Variants in PSME4 observed in about 807,000 individuals in gnomAD.
The protein encoded by PSME4 is proteasome activator subunit 4.
PSME4 carries 89 observed loss-of-function variants against 253.9 expected under a neutral mutation model. The ratio of observed to expected loss-of-function variants is 0.35; its 90% CI spans 0.30 to 0.42. The LOEUF (loss-of-function observed/expected upper bound fraction) is 0.42, where lower values mean the gene tolerates loss of function less well. Among genes scored for constraint, PSME4 ranks in the 10% least tolerant of loss-of-function variants. The pLI is 1.00. For missense variants in PSME4, 2,014 were observed against 2,195.2 expected (o/e 0.92, Z 1.65); for synonymous variants, 851 against 759.2 (o/e 1.12, Z -1.99).
chr2:53,919,567 A>G (rs181265188), intron 19 of PSME4, among the ~76,000 whole-genome samples: 236 of 152,308 alleles, frequency 1.5e-3, no homozygotes, highest in African/African-American at 4.8e-3. Flanking sequence ...AATGCTACAG[A>G]AGATCTTCCA....
chr2:53,866,976 AAT>A, intron 44 of PSME4, 96 bp from the exon 45 acceptor site: 1 of 1,193,118 alleles, frequency 8.4e-7, no homozygotes, highest in East Asian at 2.5e-5. Context: ...TGTTGTTTTC[AAT>A]ATGTGAATTT....
chr2:53,942,909 T>C (rs972498257), intron 3 of PSME4, among the ~76,000 whole-genome samples: 12 of 152,192 alleles, frequency 7.9e-5, no homozygotes, highest in African/African-American at 1.7e-4. Context: ...TTTCAACCAA[T>C]GATTCTGTGT....
At chr2:53,890,270 T>C (rs1183154190) in intron 36 of PSME4, 62 bp from the exon 37 acceptor site, 1 of 1,148,100 alleles carries the variant, frequency 8.7e-7, no homozygotes, top group African/African-American at 1.5e-5. Context: ...TCTTCAAATA[T>C]CTTTCTTTAC....
chr2:53,949,425 T>C, intron 1 of PSME4, 142 bp from the exon 2 acceptor site: 1 of 459,830 alleles, frequency 2.2e-6, no homozygotes. Context: ...AAATGTGGCA[T>C]ATACAACACA....
intron 20 of PSME4, among the ~76,000 whole-genome samples, chr2:53,917,482 A>G (rs994435778): frequency 1.3e-5 from 2 of 152,220 alleles, no homozygotes; most frequent in East Asian, 3.8e-4. Context: ...ATTACAGTGT[A>G]CATGGCATCA....
chr2:53,882,353 A>G (rs1334802583), intron 41 of PSME4, among the ~76,000 whole-genome samples: 1 of 152,214 alleles, frequency 6.6e-6, no homozygotes, highest in Non-Finnish European at 1.5e-5. Context: ...TTTAGGATGC[A>G]ATATCTTTTA....
chr2:53,967,232 T>C (rs1670778033), intron 1 of PSME4, among the ~76,000 whole-genome samples: 1 of 152,192 alleles, frequency 6.6e-6, no homozygotes, highest in Admixed American at 6.5e-5. Context: ...GTACTTTAAA[T>C]TGTCTGTACA....
At chr2:53,876,926 T>C (rs1056129981) in intron 41 of PSME4, among the ~76,000 whole-genome samples, 33 of 151,650 alleles carry the variant, frequency 2.2e-4, no homozygotes, top group Non-Finnish European at 4.0e-4. Context: ...TCTCACTGTG[T>C]TGCCCAGATT....
intron 20 of PSME4, among the ~76,000 whole-genome samples, chr2:53,913,063 C>G (rs1056953282): frequency 6.6e-5 from 10 of 152,166 alleles, no homozygotes; most frequent in African/African-American, 2.4e-4. Flanking sequence ...TACTCATTCA[C>G]TAGTTCATTT....
intron 1 of PSME4, 125 bp downstream of exon 1, chr2:53,970,418 G>C: frequency 6.8e-7 from 1 of 1,469,150 alleles, no homozygotes; most frequent in Non-Finnish European, 9.0e-7. Context: ...TGGGATCACC[G>C]CTCGGGGACA....
At chr2:53,931,017 C>T (rs757515747) in intron 10 of PSME4, among the ~76,000 whole-genome samples, 1 of 152,228 alleles carries the variant, frequency 6.6e-6, no homozygotes, top group Non-Finnish European at 1.5e-5. Context: ...GTGGCTCACA[C>T]CTGCAATCCC....
intron 41 of PSME4, among the ~76,000 whole-genome samples, chr2:53,882,354 A>G (rs112109430): frequency 1.3e-5 from 2 of 152,190 alleles, no homozygotes; most frequent in African/African-American, 4.8e-5. Context: ...TTAGGATGCA[A>G]TATCTTTTAA....
chr2:53,930,641 G>C (rs979682567), intron 10 of PSME4, among the ~76,000 whole-genome samples: 2 of 152,222 alleles, frequency 1.3e-5, no homozygotes, highest in Admixed American at 6.5e-5. Flanking sequence ...GGGCAGGTAA[G>C]GCAGCATCAA....
At chr2:53,881,089 T>TA (rs1417481571) in intron 41 of PSME4, among the ~76,000 whole-genome samples, 7 of 152,194 alleles carry the variant, frequency 4.6e-5, no homozygotes, top group Non-Finnish European at 1.0e-4. Flanking sequence ...AGTAAAATTC[T>TA]AAAATCCAAT....
chr2:53,880,552 G>A (rs1223564650), intron 41 of PSME4, among the ~76,000 whole-genome samples: 2 of 152,084 alleles, frequency 1.3e-5, no homozygotes, highest in Non-Finnish European at 2.9e-5. Context: ...CAGAAAACTG[G>A]TTAAATTTTT....
chr2:53,968,332 A>T (rs896846026), intron 1 of PSME4, among the ~76,000 whole-genome samples: 1 of 152,074 alleles, frequency 6.6e-6, no homozygotes, highest in African/African-American at 2.4e-5. Flanking sequence ...GCACAAGCAT[A>T]CTGAAACACA....
chr2:53,893,278 G>C (rs1296161990), intron 35 of PSME4, among the ~76,000 whole-genome samples: 1 of 151,926 alleles, frequency 6.6e-6, no homozygotes, highest in Non-Finnish European at 1.5e-5. Context: ...AAACATTAAA[G>C]ATAAATACAG....
At chr2:53,936,295 G>GT (rs1669113509) in intron 6 of PSME4, 134 bp from the exon 7 acceptor site, 63 of 1,275,938 alleles carry the variant, frequency 4.9e-5, no homozygotes, top group East Asian at 1.5e-4. Context: ...TTATGACTTT[G>GT]TTTTTTTTAA....
intron 20 of PSME4, among the ~76,000 whole-genome samples, chr2:53,918,388 CTA>C (rs1436730260): frequency 4.6e-5 from 7 of 152,150 alleles, no homozygotes; most frequent in Admixed American, 3.9e-4. Flanking sequence ...GGGTCTCACT[CTA>C]TTGCCCAGGC....
Sources: allele counts gnomAD v4.1 joint callset (sites outside exome capture counted in the v4.1 genomes callset), GRCh38; gene constraint gnomAD v4.1.1; transcripts MANE v1.5; gene names NCBI Gene and HGNC (gene_info 2026-07-23, HGNC 2026-07-21).